GK5: variants seen among roughly 807,000 people sequenced by gnomAD.
GK5 encodes glycerol kinase 5.
In GK5, 39 loss-of-function variants were observed where a neutral mutation model predicts 77.3. That is an observed-to-expected ratio of 0.50 (90% CI 0.39 to 0.66). GK5 has a LOEUF of 0.66. Among genes scored for constraint, GK5 ranks in the 30% least tolerant of loss-of-function variants. GK5 has a pLI of 0.00. For missense variants in GK5, 487 were observed against 633.8 expected, an observed-to-expected ratio of 0.77 and a Z score of 2.49; for synonymous variants, 211 against 208.0, an observed-to-expected ratio of 1.01 and a Z score of -0.13.
intron 15 of GK5, among the ~76,000 whole-genome samples, chr3:142,167,270 A>G (rs1230885117): frequency 6.6e-6 from 1 of 152,092 alleles, no homozygotes; most frequent in Non-Finnish European, 1.5e-5. Context: ...GCTACTTAGG[A>G]GGCTGAAGCA....
intron 15 of GK5, among the ~76,000 whole-genome samples, chr3:142,168,097 CT>C (rs1428668031): frequency 6.6e-6 from 1 of 152,146 alleles, no homozygotes; most frequent in African/African-American, 2.4e-5. Context: ...GAGAATCTGA[CT>C]TATTTAGTCT....
rs1171043494 is a variant in GK5 at position 142,213,035 on chromosome 3, C to T, written c.317+491G>A. Among the ~76,000 whole-genome samples, 5 of 151,710 alleles carry T rather than the reference C, an allele frequency of 3.3e-5. No homozygotes were observed. In the South Asian group the frequency reaches 6.3e-4, roughly 19 times the overall value. On this transcript the variant is annotated intron_variant, in intron 3 of 15. Transcript: ENST00000392993. ...ATTTTTAGTAGAGACGGGGTTTCAC[C>T]GTGTTAGCCAGGATGGTCTCGATCT...
intron 5 of GK5, among the ~76,000 whole-genome samples, chr3:142,188,391 T>C (rs1474621123): frequency 6.6e-6 from 1 of 152,064 alleles, no homozygotes. Flanking sequence ...AAAAATTAGC[T>C]GGGCATGGTG....
chr3:142,182,439 G>A (rs972553756), intron 10 of GK5, among the ~76,000 whole-genome samples: 8 of 151,836 alleles, frequency 5.3e-5, no homozygotes, highest in African/African-American at 7.3e-5. Flanking sequence ...CTGCCTCCCC[G>A]GTTCAAGTGA....
At chr3:142,173,811 T>G (rs753460395) in intron 12 of GK5, among the ~76,000 whole-genome samples, 1 of 152,134 alleles carries the variant, frequency 6.6e-6, no homozygotes, top group Non-Finnish European at 1.5e-5. Context: ...CACATCAAAA[T>G]GGTCATTTCA....
chr3:142,176,769 C>A (rs1177776000), intron 12 of GK5, among the ~76,000 whole-genome samples: 5 of 138,640 alleles, frequency 3.6e-5, no homozygotes, highest in Non-Finnish European at 4.5e-5. Flanking sequence ...TCAAGCAATT[C>A]TCCTGCTTCA....
chr3:142,212,628 A>G (rs1204994026), intron 3 of GK5, among the ~76,000 whole-genome samples: 1 of 152,186 alleles, frequency 6.6e-6, no homozygotes, highest in Non-Finnish European at 1.5e-5. Context: ...AAGACAATTT[A>G]GAATCTTGGC....
chr3:142,174,769 T>C (rs1482762730), intron 12 of GK5, among the ~76,000 whole-genome samples: 1 of 152,194 alleles, frequency 6.6e-6, no homozygotes, highest in African/African-American at 2.4e-5. Context: ...TACAGCTGAC[T>C]CAGTGTCTGA....
At chr3:142,182,468 C>T (rs2063710317) in intron 10 of GK5, among the ~76,000 whole-genome samples, 1 of 152,066 alleles carries the variant, frequency 6.6e-6, no homozygotes, top group African/African-American at 2.4e-5. Context: ...CTTCAGCCTC[C>T]CAAGTAGCTG....
intron 3 of GK5, among the ~76,000 whole-genome samples, chr3:142,206,651 T>C (rs1157726262): frequency 2.0e-5 from 3 of 152,240 alleles, no homozygotes; most frequent in Non-Finnish European, 4.4e-5. Flanking sequence ...ATTAACCCCT[T>C]ACTAGGGATT....
chr3:142,201,317 T>TA (rs1278721741), intron 4 of GK5, among the ~76,000 whole-genome samples: 4 of 152,246 alleles, frequency 2.6e-5, no homozygotes, highest in Non-Finnish European at 4.4e-5. Flanking sequence ...AAACTACTGA[T>TA]ACAGGCAACA....
chr3:142,208,054 C>G (rs1037525331), intron 3 of GK5, among the ~76,000 whole-genome samples: 1 of 152,144 alleles, frequency 6.6e-6, no homozygotes, highest in Non-Finnish European at 1.5e-5. Flanking sequence ...ACACCTTCCA[C>G]GTTACATGCT....
At chr3:142,166,721 G>C (rs1259746745) in intron 15 of GK5, among the ~76,000 whole-genome samples, 1 of 152,160 alleles carries the variant, frequency 6.6e-6, no homozygotes, top group Non-Finnish European at 1.5e-5. Context: ...TTTTAGTAGA[G>C]ACGTGGTTTC....
chr3:142,181,524 C>T lies in GK5; in HGVS notation c.985G>A (p.Val329Ile), dbSNP rs377316725. The change falls in exon 11 of 16, where the codon GTA becomes ATA. Residue 329 changes from valine to isoleucine, a missense_variant. Physicochemically the swap from Val to Ile is conservative, Grantham distance 29. Transcript: ENST00000392993. ...CCTGCATTGCTTTCAGCTAAGCATA[C>T]GACTTCTTGCCCAATCTTCCACCCA... Reference protein sequence around the residue: ...LIGWKIGQEVVCLAESNAGDT... With the variant: ...LIGWKIGQEVICLAESNAGDT... The T allele has an allele frequency of 4.5e-5, 73 of 1,613,434 alleles. No individual in the cohort carries two copies. In the East Asian group the frequency reaches 5.8e-4, roughly 13 times the overall value.
chr3:142,210,964 T>C lies in GK5; in HGVS notation c.317+2562A>G, dbSNP rs902713364. The stretch of plus-strand genomic sequence containing the variant: ...CATCCATCCACTTCCCAGATTAGCG[T>C]TGGTCCTGCTTTGCTGGCTTTTTCT... On this transcript the variant is annotated intron_variant, in intron 3 of 15. Coordinates refer to ENST00000392993, the MANE Select transcript of GK5 (RefSeq NM_001039547.3). Among the ~76,000 whole-genome samples, 3 of 152,398 alleles carry C rather than the reference T, an allele frequency of 2.0e-5. No homozygotes were observed. The South Asian group carries it at 6.2e-4, about 32-fold the overall frequency.
At chr3:142,168,600 G>A (rs942580858) in intron 15 of GK5, among the ~76,000 whole-genome samples, 3 of 151,980 alleles carry the variant, frequency 2.0e-5, no homozygotes, top group Non-Finnish European at 4.4e-5. Context: ...GTATCCTAAG[G>A]CATCATCCTG....
intron 1 of GK5, among the ~76,000 whole-genome samples, chr3:142,217,525 A>T (rs961081089): frequency 6.6e-6 from 1 of 152,142 alleles, no homozygotes; most frequent in Non-Finnish European, 1.5e-5. Context: ...CCCAGGACAT[A>T]GCAAAAGGTC....
At chr3:142,171,379 T>A in intron 14 of GK5, 40 bp downstream of exon 14, 2 of 1,426,792 alleles carry the variant, frequency 1.4e-6, no homozygotes. Flanking sequence ...CACTTACTTC[T>A]AATTTCTAAT....
intron 3 of GK5, among the ~76,000 whole-genome samples, chr3:142,207,641 C>T (rs2064128873): frequency 6.6e-6 from 1 of 152,212 alleles, no homozygotes; most frequent in South Asian, 2.1e-4. Context: ...CTCTCACTAA[C>T]CTACCCCCGC....
Sources: gnomAD v4.1 joint callset for allele counts (sites outside exome capture counted in the v4.1 genomes callset) on GRCh38, gnomAD v4.1.1 for gene constraint, MANE v1.5 for transcripts, NCBI Gene and HGNC (gene_info 2026-07-23, HGNC 2026-07-21) for gene names.